FRYL: variants seen among roughly 807,000 people sequenced by gnomAD.
FRYL encodes FRY like transcription coactivator.
In FRYL, 150 loss-of-function variants were observed where a neutral mutation model predicts 351.2. The observed-to-expected ratio is 0.43, with a 90% CI of 0.37 to 0.49. The LOEUF (loss-of-function observed/expected upper bound fraction) is 0.49, where lower values mean the gene tolerates loss of function less well. Ranked by LOEUF, FRYL falls within the 20% of genes least tolerant of loss-of-function variation. The probability of loss-of-function intolerance (pLI) is 0.00; values close to 1 mark genes in which losing one functional copy is unlikely to be tolerated. For synonymous variants in FRYL, 1,153 were observed against 1,257.1 expected (o/e 0.92, Z 1.75); for missense variants, 3,036 against 3,619.3 (o/e 0.84, Z 4.13).
chr4:48,711,895 G>C (rs1768099927), intron 1 of FRYL, among the ~76,000 whole-genome samples: 1 of 152,162 alleles, frequency 6.6e-6, no homozygotes, highest in East Asian at 1.9e-4. Context: ...TCAGACAGCA[G>C]CATTTGCGGT....
At chr4:48,533,402 T>C (rs1728132338) in intron 49 of FRYL, among the ~76,000 whole-genome samples, 3 of 152,176 alleles carry the variant, frequency 2.0e-5, no homozygotes, top group Admixed American at 2.0e-4. Flanking sequence ...TCCCGTTTTT[T>C]TGATATCTGC....
chr4:48,676,216 T>G (rs1173060747), intron 3 of FRYL, among the ~76,000 whole-genome samples: 2 of 152,156 alleles, frequency 1.3e-5, no homozygotes, highest in Admixed American at 1.3e-4. Flanking sequence ...GGAAGCTGTG[T>G]TCTTTCCCTC....
intron 3 of FRYL, chr4:48,638,598 C>T (rs1282598814): frequency 6.6e-6 from 1 of 152,122 alleles, no homozygotes; most frequent in Non-Finnish European, 1.5e-5. Context: ...TCAGCAATCT[C>T]ATTACTGGGT....
At chr4:48,648,128 C>A (rs1347380827) in intron 3 of FRYL, among the ~76,000 whole-genome samples, 1 of 152,062 alleles carries the variant, frequency 6.6e-6, no homozygotes, top group Non-Finnish European at 1.5e-5. Context: ...AAATAAATAA[C>A]ATTTCTTCCA....
At chr4:48,588,911 T>C (rs1348039344) in intron 18 of FRYL, among the ~76,000 whole-genome samples, 1 of 152,132 alleles carries the variant, frequency 6.6e-6, no homozygotes, top group East Asian at 1.9e-4. Context: ...TCAGAGGAAC[T>C]GGGTGAAAGC....
chr4:48,554,316 A>G (rs1344991819), intron 35 of FRYL, among the ~76,000 whole-genome samples: 1 of 151,980 alleles, frequency 6.6e-6, no homozygotes, highest in Non-Finnish European at 1.5e-5. Context: ...ATCTTAAAAC[A>G]TGATTTATTA....
chr4:48,700,877 C>G (rs1766648629), intron 2 of FRYL, among the ~76,000 whole-genome samples: 1 of 151,678 alleles, frequency 6.6e-6, no homozygotes, highest in South Asian at 2.1e-4. Context: ...GCTTACTGTA[C>G]CAAATAATTT....
In FRYL at chr4:48,561,500, G is replaced by A. The variant is rs1044794169; in HGVS notation, c.3833C>T (p.Ala1278Val). The A allele has an allele frequency of 8.1e-6, 13 of 1,609,768 alleles. No homozygotes were observed. Among genetic ancestry groups the A allele is most frequent in the East Asian group, 2.2e-5 (1 of 44,814 alleles). The change falls in exon 33 of 64, where the codon GCG becomes GTG. Residue 1278 changes from alanine (A) to valine (V), a missense_variant. Around this residue, in one of 7 missense-constraint regions of FRYL, gnomAD observed 1,987 missense variants for 2,311.7 expected, o/e 0.86. Coordinates refer to ENST00000358350, the MANE Select transcript of FRYL (RefSeq NM_015030.2). Reference protein sequence around the residue: ...YYQLSEELARAYPELTLAIFS... With the variant: ...YYQLSEELARVYPELTLAIFS... ...TATGGCGAGAGTTAGCTCAGGATAC[G>A]CCCTTGCTAGTTCCTCGGACAACTG...
chr4:48,655,942 CG>C (rs1758814060), intron 3 of FRYL, among the ~76,000 whole-genome samples: 1 of 136,488 alleles, frequency 7.3e-6, no homozygotes, highest in South Asian at 2.3e-4. Context: ...ACATTATATG[CG>C]TAATTATATG....
At chr4:48,709,738 G>A (rs1335966889) in intron 2 of FRYL, among the ~76,000 whole-genome samples, 2 of 152,124 alleles carry the variant, frequency 1.3e-5, no homozygotes, top group Non-Finnish European at 2.9e-5. Context: ...TAATTAACTG[G>A]CATTCTAGAA....
chr4:48,738,762 T>C (rs1771717285), intron 1 of FRYL, among the ~76,000 whole-genome samples: 1 of 150,588 alleles, frequency 6.6e-6, no homozygotes, highest in East Asian at 2.0e-4. Flanking sequence ...TGCCTCTGCC[T>C]CCCAAAGCAA....
chr4:48,505,344 C>T (rs1306127217), intron 60 of FRYL: 9 of 623,282 alleles, frequency 1.4e-5, no homozygotes, highest in Middle Eastern at 2.5e-4. Context: ...ACAAGCTGGT[C>T]GTTCATTTTT....
Position 48,512,564 on chromosome 4 carries a change from G to T in FRYL, c.8062C>A (p.Arg2688Ser). The change falls in exon 57 of 64, where the codon CGC becomes AGC. Residue 2688 changes from arginine to serine, a missense_variant. Arg to Ser is a moderately radical substitution (Grantham distance 110). Transcript: ENST00000358350. Reference protein sequence around the residue: ...VAYDDEEEAWRCHVNQMLSDT... With the variant: ...VAYDDEEEAWSCHVNQMLSDT... ...GACAGCATCTGATTGACGTGGCAGC[G>T]CCAGGCTTCCTCTTCATCATCATAT... is the stretch of plus-strand genomic sequence containing the variant. 6.2e-7 allele frequency: 1 copy of T among 1,613,984 alleles called. No individual in the cohort carries two copies. The highest frequency in any genetic ancestry group is 8.5e-7 in the Non-Finnish European group (1 of 1,179,892).
At chr4:48,635,812 GC>G (rs979843862) in intron 3 of FRYL, among the ~76,000 whole-genome samples, 1 of 152,108 alleles carries the variant, frequency 6.6e-6, no homozygotes, top group East Asian at 1.9e-4. Flanking sequence ...TCCAGAGACT[GC>G]CCTTGAACCC....
At position 48,567,901 on chromosome 4, in the gene FRYL, GA is replaced by G. The variant is rs1560622681; in HGVS notation, c.2997-482del. 1.3e-5 allele frequency among the ~76,000 whole-genome samples: 2 copies of G among 152,200 alleles called. No homozygotes were observed. The highest frequency in any genetic ancestry group is 4.8e-5 in the African/African-American group (2 of 41,446). On this transcript the variant is annotated intron_variant, in intron 27 of 63. Coordinates refer to ENST00000358350, the MANE Select transcript of FRYL (RefSeq NM_015030.2). This position sits in a 1 kb window ranked among gnomAD's most constrained non-coding sequence, Gnocchi z 4.2. ...TTATCAGGGATGCAAAAATCTAAGA[GA>G]ATTCTTGTAAGAATAGGGTAGAGTA...
At position 48,692,778 on chromosome 4, in the gene FRYL, A is replaced by G. The variant is rs576639746; in HGVS notation, c.-203-7983T>C. ...AGGTTTATGTCATATAATTCATGTT[A>G]AGGTGTTAGCAAAATGCTTGAAATA... On this transcript the variant is annotated intron_variant, in intron 2 of 63. Coordinates refer to ENST00000358350, the MANE Select transcript of FRYL (RefSeq NM_015030.2). Among the ~76,000 whole-genome samples, 74 of 152,354 alleles carry G rather than the reference A, an allele frequency of 4.9e-4. 1 individual carries two copies. Among genetic ancestry groups the G allele is most frequent in the Non-Finnish European group, 3.2e-4 (22 of 68,036 alleles).
intron 3 of FRYL, among the ~76,000 whole-genome samples, chr4:48,661,301 A>G (rs1455021339): frequency 1.3e-5 from 2 of 152,234 alleles, no homozygotes; most frequent in African/African-American, 2.4e-5. Context: ...ACATTGTACA[A>G]AGTATATGAT....
chr4:48,710,788 T>A, intron 1 of FRYL, 90 bp from the exon 2 acceptor site: 1 of 390,960 alleles, frequency 2.6e-6, no homozygotes, highest in Non-Finnish European at 4.5e-6. Flanking sequence ...ATATCACTAA[T>A]CAAAAGTCTG....
At position 48,536,615 on chromosome 4, in the gene FRYL, C is replaced by T. The variant is rs114300439; in HGVS notation, c.6394-788G>A. Among the ~76,000 whole-genome samples, 1,285 of 152,260 alleles carry T rather than the reference C, an allele frequency of 8.4e-3. 13 individuals carry two copies. The highest frequency in any genetic ancestry group is 0.012 in the Non-Finnish European group (785 of 68,034). ...ATGTTCCCTGGCCTCTCCCAGGGGA[C>T]ACCTGAGCTATGCAGAACTGGAAAA... On this transcript the variant is annotated intron_variant, in intron 47 of 63. Transcript: ENST00000358350.
Sources: allele counts gnomAD v4.1 joint callset (sites outside exome capture counted in the v4.1 genomes callset), GRCh38; gene constraint gnomAD v4.1.1; regional missense constraint gnomAD v4.1.1; non-coding constraint Gnocchi (gnomAD v3.1); transcripts MANE v1.5; gene names NCBI Gene and HGNC (gene_info 2026-07-23, HGNC 2026-07-21).